The following ATRNL1 variants were observed in gnomAD, a reference collection of about 807,000 sequenced individuals.
ATRNL1 encodes the protein attractin-like protein 1.
A neutral mutation model predicts 182.7 loss-of-function variants in ATRNL1; 95 were observed. That is an observed-to-expected ratio of 0.52 (90% CI 0.44 to 0.62). The LOEUF (loss-of-function observed/expected upper bound fraction) is 0.62. Ranked by LOEUF, ATRNL1 falls within the 20% of genes least tolerant of loss-of-function variation. The probability of loss-of-function intolerance (pLI) is 0.00; values close to 1 mark genes in which losing one functional copy is unlikely to be tolerated. For missense variants in ATRNL1, 1,471 were observed against 1,679.5 expected (o/e 0.88, Z 2.17); for synonymous variants, 576 against 568.3 (o/e 1.01, Z -0.19).
intron 26 of ATRNL1, among the ~76,000 whole-genome samples, chr10:115,626,416 A>G (rs1555024660): frequency 6.6e-6 from 1 of 152,108 alleles, no homozygotes; most frequent in African/African-American, 2.4e-5. Context: ...CAAATACTTT[A>G]TTTTTGGGCA....
intron 8 of ATRNL1, among the ~76,000 whole-genome samples, chr10:115,188,206 A>C (rs1848029254): frequency 6.6e-6 from 1 of 152,244 alleles, no homozygotes; most frequent in Middle Eastern, 3.4e-3. Flanking sequence ...TGGCTATTGC[A>C]CTTTTGAAAT....
At chr10:115,391,616 A>T (rs1350679568) in intron 19 of ATRNL1, among the ~76,000 whole-genome samples, 1 of 131,914 alleles carries the variant, frequency 7.6e-6, no homozygotes, top group African/African-American at 3.3e-5. Context: ...TACACTATTC[A>T]ATGCATTTTT....
intron 28 of ATRNL1, among the ~76,000 whole-genome samples, chr10:115,870,751 G>C (rs1466545896): frequency 6.6e-6 from 1 of 152,212 alleles, no homozygotes; most frequent in African/African-American, 2.4e-5. Context: ...GAGCCAGACT[G>C]TCTGAGATTT....
At position 115,512,632 on chromosome 10, in the gene ATRNL1, G is replaced by C. The variant is rs550470412; in HGVS notation, c.3655-6631G>C. On this transcript the variant is annotated intron_variant, in intron 24 of 28. Transcript: ENST00000355044. Reference sequence around the variant, plus strand: ...AACTACTGTTCTAGTCATTGGAAGAGTGCTGTGAACAATATGAACAAGGCT... The same window carrying C: ...AACTACTGTTCTAGTCATTGGAAGACTGCTGTGAACAATATGAACAAGGCT... Among the ~76,000 whole-genome samples, 9 of 151,936 alleles carry C rather than the reference G, an allele frequency of 5.9e-5. No homozygotes were observed. The South Asian group carries it at 1.9e-3, about 31-fold the overall frequency.
At position 115,093,371 on chromosome 10, in the gene ATRNL1, C is replaced by G. The variant is rs113159037; in HGVS notation, c.-380C>G. The G allele has an allele frequency of 1.2e-5, 2 of 162,638 alleles. No individual in the cohort carries two copies. The highest frequency in any genetic ancestry group is 3.5e-4 in the South Asian group (2 of 5,776). The allele number at this position is 162,638 out of a possible 1,614,324, so 10.1% of individuals were successfully genotyped here. ...CGGCGCTCGGAGCCGAGGCAGTTGG[C>G]GCGGGCCGCGGGCGAGGCGGGGCCG... On this transcript the variant is annotated 5_prime_UTR_variant, in exon 1 of 29. Coordinates refer to ENST00000355044, the MANE Select transcript of ATRNL1 (RefSeq NM_207303.4). The surrounding 1 kb of genome is among the most constrained non-coding windows in gnomAD (Gnocchi z 6.1).
intron 26 of ATRNL1, among the ~76,000 whole-genome samples, chr10:115,662,227 C>A (rs574615117): frequency 6.6e-6 from 1 of 151,862 alleles, no homozygotes; most frequent in Non-Finnish European, 1.5e-5. Flanking sequence ...TGAATAGTGC[C>A]GCAATAAACA....
At chr10:115,615,213 T>G (rs1857370244) in intron 26 of ATRNL1, among the ~76,000 whole-genome samples, 1 of 152,104 alleles carries the variant, frequency 6.6e-6, no homozygotes, top group Admixed American at 6.6e-5. Context: ...TTTATGCTTT[T>G]TGAGTGTTTT....
At chr10:115,360,601 C>CA (rs35218125) in intron 19 of ATRNL1, among the ~76,000 whole-genome samples, 47,544 of 146,482 alleles carry the variant, frequency 0.32, 8,457 homozygotes, top group Middle Eastern at 0.46. Flanking sequence ...TTTTTTAAAG[C>CA]AAAAAAAAAA....
chr10:115,282,883 T>C (rs1165355772), intron 14 of ATRNL1, among the ~76,000 whole-genome samples: 1 of 151,972 alleles, frequency 6.6e-6, no homozygotes, highest in Non-Finnish European at 1.5e-5. Context: ...GTTTGTTACA[T>C]AGGTATACAC....
intron 28 of ATRNL1, among the ~76,000 whole-genome samples, chr10:115,906,992 GA>G (rs1555114714): frequency 6.6e-6 from 1 of 152,180 alleles, no homozygotes; most frequent in African/African-American, 2.4e-5. Context: ...AGTGCTGAAA[GA>G]GTTTTAGATT....
intron 28 of ATRNL1, among the ~76,000 whole-genome samples, chr10:115,882,565 C>T (rs1404689515): frequency 6.6e-6 from 1 of 152,158 alleles, no homozygotes; most frequent in African/African-American, 2.4e-5. Flanking sequence ...TTCCACTCTC[C>T]AGGGTCACAC....
rs1040836111 is a variant in ATRNL1 at position 115,094,050 on chromosome 10, G to T, written c.293+7G>T. ...ACTGCCAGGGCAGGTTCAAGTAAGT[G>T]CCTTCGCCGGACCCCGAACCTCCAG... On this transcript the variant is annotated splice_region_variant and intron_variant, in intron 1 of 28. Transcript: ENST00000355044. The T allele has an allele frequency of 6.2e-6, 9 of 1,461,674 alleles. No homozygotes were observed. Among genetic ancestry groups the T allele is most frequent in the Non-Finnish European group, 6.4e-6 (7 of 1,100,880 alleles). 90.5% of individuals were successfully genotyped at this position (1,461,674 alleles called of 1,614,324 possible). A position where few individuals can be genotyped will look rare whatever the true frequency, so the allele number is the denominator to read the frequency against.
At chr10:115,565,045 G>T (rs937433928) in intron 26 of ATRNL1, among the ~76,000 whole-genome samples, 1 of 151,690 alleles carries the variant, frequency 6.6e-6, no homozygotes, top group East Asian at 1.9e-4. Flanking sequence ...TTCTACAGTG[G>T]AGCATTTCTA....
At chr10:115,919,612 A>C (rs1952983957) in intron 28 of ATRNL1, among the ~76,000 whole-genome samples, 1 of 152,164 alleles carries the variant, frequency 6.6e-6, no homozygotes, top group Admixed American at 6.6e-5. Context: ...ATATATAATT[A>C]ATATTATGTA....
chr10:115,142,724 AGAT>A (rs1460370399), intron 5 of ATRNL1, among the ~76,000 whole-genome samples: 1 of 152,132 alleles, frequency 6.6e-6, no homozygotes, highest in Non-Finnish European at 1.5e-5. Context: ...TCTAGGTGAG[AGAT>A]GATGATGATG....
At chr10:115,730,386 T>C (rs1261349102) in intron 27 of ATRNL1, among the ~76,000 whole-genome samples, 1 of 152,082 alleles carries the variant, frequency 6.6e-6, no homozygotes, top group Non-Finnish European at 1.5e-5. Context: ...ATATGAAATT[T>C]TAGGTTCAAA....
chr10:115,491,587 G>A (rs1481906383), intron 24 of ATRNL1, among the ~76,000 whole-genome samples: 2 of 152,076 alleles, frequency 1.3e-5, no homozygotes, highest in African/African-American at 4.8e-5. Flanking sequence ...AGTGGTGGAC[G>A]CCACTCCCCC....
intron 3 of ATRNL1, among the ~76,000 whole-genome samples, chr10:115,124,349 G>T (rs1444648521): frequency 2.6e-5 from 4 of 152,114 alleles, no homozygotes; most frequent in Non-Finnish European, 5.9e-5. Context: ...TTATCATGAA[G>T]GATAGAAATC....
In ATRNL1 at chr10:115,667,820, C is replaced by A. The variant is rs374539164; in HGVS notation, c.3796-59428C>A. ...TACAGGTGTGGGCTACCATGACCAG[C>A]TAATTTTTTAATTACTATTTTTTTA... On this transcript the variant is annotated intron_variant, in intron 26 of 28. Coordinates refer to ENST00000355044, the MANE Select transcript of ATRNL1 (RefSeq NM_207303.4). Among the ~76,000 whole-genome samples the A allele has an allele frequency of 1.1e-4, 16 of 151,950 alleles. No homozygotes were observed. In the East Asian group the frequency reaches 1.8e-3, roughly 17 times the overall value.
Sources: gnomAD v4.1 joint callset for allele counts (sites outside exome capture counted in the v4.1 genomes callset) on GRCh38, gnomAD v4.1.1 for gene constraint, Gnocchi (gnomAD v3.1) non-coding constraint, MANE v1.5 for transcripts, NCBI Gene and HGNC (gene_info 2026-07-23, HGNC 2026-07-21) for gene names.